CDH18: variants seen among roughly 807,000 people sequenced by gnomAD.
CDH18 encodes cadherin-18.
CDH18 carries 31 observed loss-of-function variants against 67.9 expected under a neutral mutation model. The ratio of observed to expected loss-of-function variants is 0.46; its 90% CI spans 0.34 to 0.62. The LOEUF (loss-of-function observed/expected upper bound fraction) is 0.62, where lower values mean the gene tolerates loss of function less well. Among genes scored for constraint, CDH18 ranks in the 20% least tolerant of loss-of-function variants. The probability of loss-of-function intolerance (pLI) is 0.01; values close to 1 mark genes in which losing one functional copy is unlikely to be tolerated. For missense variants in CDH18, 890 were observed against 975.5 expected (o/e 0.91, Z 1.17); for synonymous variants, 362 against 347.2 (o/e 1.04, Z -0.48).
At chr5:19,881,289 C>A (rs1194586530) in intron 2 of CDH18, among the ~76,000 whole-genome samples, 1 of 152,012 alleles carries the variant, frequency 6.6e-6, no homozygotes, top group African/African-American at 2.4e-5. Context: ...TATGTGCTAC[C>A]CACTATTGAT....
intron 2 of CDH18, among the ~76,000 whole-genome samples, chr5:19,963,820 A>C (rs1211929531): frequency 6.6e-6 from 1 of 152,078 alleles, no homozygotes; most frequent in Admixed American, 6.5e-5. Flanking sequence ...GGGATGCCTC[A>C]AGAAACTTAA....
chr5:20,330,217 G>C (rs1221422204), intron 1 of CDH18, among the ~76,000 whole-genome samples: 5 of 152,044 alleles, frequency 3.3e-5, no homozygotes, highest in African/African-American at 4.8e-5. Context: ...TGCTGAAATT[G>C]CTGTCTTAGG....
chr5:19,612,340 TAAG>T, intron 6 of CDH18, 91 bp downstream of exon 6: 1 of 1,262,532 alleles, frequency 7.9e-7, no homozygotes. Flanking sequence ...CAATTCCACT[TAAG>T]AAAACAGTAA....
At chr5:20,096,284 G>A (rs1353439017) in intron 2 of CDH18, among the ~76,000 whole-genome samples, 1 of 152,060 alleles carries the variant, frequency 6.6e-6, no homozygotes, top group Non-Finnish European at 1.5e-5. Context: ...TTAAATATTT[G>A]CTGAAAGAAA....
In CDH18 at chr5:19,473,510, G is replaced by C. The variant is rs1671782757; in HGVS notation, c.2089C>G (p.Leu697Val). ...GATGATGTCTGGTGTCTGGGAGTGAGCTTCACTTCAGGTCTGATATCCCTC... is the reference window on the plus strand; with the variant it reads ...GATGATGTCTGGTGTCTGGGAGTGACCTTCACTTCAGGTCTGATATCCCTC... ...YRRDIRPEVK[L>V]TPRHQTSSTL... Residue 697 changes from leucine (L) to valine (V), a missense_variant, in exon 13 of 13, where the codon CTC becomes GTC. By Grantham distance (32) the Leu-to-Val change is conservative. Transcript: ENST00000382275. 6.2e-7 allele frequency: 1 copy of C among 1,613,466 alleles called. No homozygotes were observed. Among genetic ancestry groups the C allele is most frequent in the African/African-American group, 1.3e-5 (1 of 74,872 alleles).
chr5:19,610,349 T>G, intron 6 of CDH18, among the ~76,000 whole-genome samples: 1 of 151,746 alleles, frequency 6.6e-6, no homozygotes, highest in East Asian at 1.9e-4. Context: ...CATAATAAAA[T>G]TAGGAACAAA....
chr5:20,294,316 C>T (rs533024129), intron 1 of CDH18, among the ~76,000 whole-genome samples: 9 of 152,144 alleles, frequency 5.9e-5, no homozygotes, highest in Non-Finnish European at 1.3e-4. Context: ...GATTAAGCCT[C>T]AAATGTGAAT....
At chr5:20,276,524 T>C (rs898831148) in intron 1 of CDH18, among the ~76,000 whole-genome samples, 1 of 152,126 alleles carries the variant, frequency 6.6e-6, no homozygotes, top group Admixed American at 6.5e-5. Context: ...GAGCCCTGAA[T>C]AGTCAGAATC....
chr5:20,071,364 T>A (rs2150525626), intron 2 of CDH18, among the ~76,000 whole-genome samples: 1 of 152,188 alleles, frequency 6.6e-6, no homozygotes, highest in South Asian at 2.1e-4. Flanking sequence ...AAGAGATATG[T>A]TAAAATGACA....
intron 2 of CDH18, among the ~76,000 whole-genome samples, chr5:20,096,172 C>T (rs1021411727): frequency 1.3e-5 from 2 of 152,032 alleles, no homozygotes; most frequent in East Asian, 1.9e-4. Flanking sequence ...GAAAACCACA[C>T]CTTAGTCCAT....
chr5:20,407,224 T>A (rs1399609303), intron 1 of CDH18, among the ~76,000 whole-genome samples: 2 of 152,106 alleles, frequency 1.3e-5, no homozygotes, highest in Admixed American at 1.3e-4. Context: ...AGGGAAAGAT[T>A]TGGACCACAC....
At chr5:20,132,374 T>A (rs756680279) in intron 2 of CDH18, among the ~76,000 whole-genome samples, 1 of 152,174 alleles carries the variant, frequency 6.6e-6, no homozygotes, top group Non-Finnish European at 1.5e-5. Context: ...CCTATATTTA[T>A]CAGTTTTCTC....
At chr5:20,403,432 A>T (rs757769525) in intron 1 of CDH18, among the ~76,000 whole-genome samples, 8 of 152,178 alleles carry the variant, frequency 5.3e-5, no homozygotes, top group Non-Finnish European at 1.0e-4. Flanking sequence ...TATTTTTTGA[A>T]TAATAAAAAA....
intron 1 of CDH18, among the ~76,000 whole-genome samples, chr5:20,310,658 G>T (rs991193648): frequency 2.6e-5 from 4 of 152,148 alleles, no homozygotes; most frequent in African/African-American, 9.6e-5. Context: ...TTGATTGCAT[G>T]TTAGATATTA....
intron 1 of CDH18, among the ~76,000 whole-genome samples, chr5:20,381,133 G>A (rs1475663854): frequency 5.3e-5 from 8 of 152,094 alleles, no homozygotes; most frequent in African/African-American, 1.9e-4. Flanking sequence ...ACAGTGAGAA[G>A]GTGTCCATTT....
At chr5:20,398,282 C>A (rs1000529278) in intron 1 of CDH18, among the ~76,000 whole-genome samples, 1 of 152,096 alleles carries the variant, frequency 6.6e-6, no homozygotes, top group Non-Finnish European at 1.5e-5. Context: ...AACAGCATAG[C>A]CTTTCATTTT....
intron 3 of CDH18, among the ~76,000 whole-genome samples, chr5:19,796,831 A>C (rs533996771): frequency 6.6e-6 from 1 of 152,210 alleles, no homozygotes; most frequent in East Asian, 1.9e-4. Context: ...TGATATGTGT[A>C]GATGGTTAAA....
At chr5:19,537,618 C>G (rs892111098) in intron 9 of CDH18, among the ~76,000 whole-genome samples, 1 of 152,092 alleles carries the variant, frequency 6.6e-6, no homozygotes, top group African/African-American at 2.4e-5. Flanking sequence ...ATTATCCTCC[C>G]TATGAAACCT....
intron 5 of CDH18, among the ~76,000 whole-genome samples, chr5:19,631,056 G>T (rs562303978): frequency 5.3e-5 from 8 of 151,754 alleles, no homozygotes; most frequent in African/African-American, 1.9e-4. Context: ...ACCTATAAAT[G>T]TCTTTTCACT....
Sources: allele counts gnomAD v4.1 joint callset (sites outside exome capture counted in the v4.1 genomes callset), GRCh38; gene constraint gnomAD v4.1.1; transcripts MANE v1.5; gene names NCBI Gene and HGNC (gene_info 2026-07-23, HGNC 2026-07-21).